The following TLL1 variants were observed in gnomAD, a reference collection of about 807,000 sequenced individuals.
The protein encoded by TLL1 is tolloid like 1, also known as tolloid-like protein 1.
Under a neutral mutation model 128.2 loss-of-function variants are expected in TLL1, and 49 were observed. The observed-to-expected ratio is 0.38, with a 90% CI of 0.30 to 0.48. The LOEUF is 0.48. Among genes scored for constraint, TLL1 ranks in the 20% least tolerant of loss-of-function variants. TLL1 has a pLI of 0.96. For missense variants in TLL1, 1,123 were observed against 1,242.0 expected, an observed-to-expected ratio of 0.90 and a Z score of 1.44; for synonymous variants, 454 against 418.8, an observed-to-expected ratio of 1.08 and a Z score of -1.03.
At chr4:166,011,013 T>A (rs1409838790) in intron 7 of TLL1, among the ~76,000 whole-genome samples, 1 of 151,412 alleles carries the variant, frequency 6.6e-6, no homozygotes, top group Non-Finnish European at 1.5e-5. Context: ...TATAGATCTG[T>A]CTTTATACCA....
At chr4:165,874,940 C>G (rs866387688) in intron 1 of TLL1, 1 of 152,314 alleles carries the variant, frequency 6.6e-6, no homozygotes, top group East Asian at 1.9e-4. Flanking sequence ...GTGAGCGCAG[C>G]GCCTGAGGGC....
chr4:166,089,474 C>A (rs77341772), intron 18 of TLL1, among the ~76,000 whole-genome samples: 7,540 of 152,160 alleles, frequency 0.05, 295 homozygotes, highest in African/African-American at 0.091. Context: ...TATACTTATT[C>A]AGAATCTTCT....
chr4:165,932,653 T>G (rs1733584039), intron 1 of TLL1, among the ~76,000 whole-genome samples: 1 of 152,198 alleles, frequency 6.6e-6, no homozygotes, highest in Non-Finnish European at 1.5e-5. Flanking sequence ...TCTTTTTTTT[T>G]TTAGAGTTTG....
chr4:165,952,527 C>T (rs186917250), intron 1 of TLL1, among the ~76,000 whole-genome samples: 2 of 152,162 alleles, frequency 1.3e-5, no homozygotes, highest in African/African-American at 2.4e-5. Flanking sequence ...ATTGGGACCC[C>T]TCACTTAATA....
rs181871933 is a variant in TLL1 at position 166,078,778 on chromosome 4, C to T, written c.2442+748C>T. 5.4e-3 allele frequency among the ~76,000 whole-genome samples: 818 copies of T among 152,198 alleles called. 3 individuals are homozygous for T. The highest frequency in any genetic ancestry group is 9.7e-3 in the South Asian group (47 of 4,822). On this transcript the variant is annotated intron_variant, in intron 18 of 20. Transcript: ENST00000061240. Reference sequence around the variant, plus strand: ...ATATGTTGTTTTTAGAAGCAGAAGGCAGTGCCAACTAACAAGGCTCAGGAA... The same window carrying T: ...ATATGTTGTTTTTAGAAGCAGAAGGTAGTGCCAACTAACAAGGCTCAGGAA...
chr4:165,948,067 G>A (rs1331900577), intron 1 of TLL1, among the ~76,000 whole-genome samples: 1 of 152,094 alleles, frequency 6.6e-6, no homozygotes, highest in Non-Finnish European at 1.5e-5. Flanking sequence ...TGAGCCTAAA[G>A]GATAGAGCTG....
At chr4:166,008,123 C>T (rs376338407) in intron 7 of TLL1, 75 bp downstream of exon 7, 64 of 1,081,928 alleles carry the variant, frequency 5.9e-5, no homozygotes, top group South Asian at 2.8e-4. Context: ...CTATGCCTGA[C>T]ATTAGAACTA....
chr4:166,044,535 C>A, intron 12 of TLL1: 1 of 1,005,214 alleles, frequency 9.9e-7, no homozygotes, highest in Non-Finnish European at 1.4e-6. Flanking sequence ...ATACTTTCTA[C>A]TTTAATCATT....
intron 1 of TLL1, among the ~76,000 whole-genome samples, chr4:165,988,076 C>G (rs1379264280): frequency 1.3e-5 from 2 of 151,948 alleles, no homozygotes; most frequent in African/African-American, 4.8e-5. Flanking sequence ...TGATTAATTT[C>G]TTATTTCTCG....
At chr4:166,099,795 CTTA>C (rs1742208444) in intron 20 of TLL1, among the ~76,000 whole-genome samples, 1 of 152,074 alleles carries the variant, frequency 6.6e-6, no homozygotes, top group African/African-American at 2.4e-5. Context: ...GTTCTAACTT[CTTA>C]TTATGCAATA....
At chr4:165,935,616 G>C (rs1408448379) in intron 1 of TLL1, among the ~76,000 whole-genome samples, 1 of 152,122 alleles carries the variant, frequency 6.6e-6, no homozygotes, top group Non-Finnish European at 1.5e-5. Context: ...CATGATCACA[G>C]GCCTTTTCCA....
At position 165,967,386 on chromosome 4, in the gene TLL1, G is replaced by A. The variant is rs1031645336; in HGVS notation, c.170-21995G>A. Among the ~76,000 whole-genome samples, 3 of 152,322 alleles carry A rather than the reference G, an allele frequency of 2.0e-5. No homozygotes were observed. The East Asian group carries it at 5.8e-4, about 29-fold the overall frequency. The stretch of plus-strand genomic sequence containing the variant: ...TAAAGACAGGCCTAGGAAATTATAA[G>A]AGCATTGATTGGGGAAGTGACAAAT... On this transcript the variant is annotated intron_variant, in intron 1 of 20. Coordinates refer to ENST00000061240, the MANE Select transcript of TLL1 (RefSeq NM_012464.5).
chr4:166,024,268 A>G (rs924057861), intron 8 of TLL1, among the ~76,000 whole-genome samples: 9 of 152,200 alleles, frequency 5.9e-5, no homozygotes, highest in African/African-American at 1.9e-4. Flanking sequence ...CTTTGTTTTC[A>G]TATTCACTAT....
intron 20 of TLL1, 51 bp downstream of exon 20, chr4:166,099,578 G>A (rs1304972313): frequency 6.5e-7 from 1 of 1,538,776 alleles, no homozygotes; most frequent in African/African-American, 1.4e-5. Flanking sequence ...GATGCCTATT[G>A]ATTCATGATT....
intron 1 of TLL1, among the ~76,000 whole-genome samples, chr4:165,977,994 G>A (rs1735968808): frequency 1.3e-5 from 2 of 152,114 alleles, no homozygotes; most frequent in African/African-American, 4.8e-5. Context: ...ATTTGATAAT[G>A]TGTTTCAATC....
rs142062744 is a variant in TLL1 at position 165,943,557 on chromosome 4, C to A, written c.170-45824C>A. ...ACTGCTTATCTCCTTAAAAATTGGA[C>A]CTTTAAAATACTCATGCCAGGGAAT... On this transcript the variant is annotated intron_variant, in intron 1 of 20. Transcript: ENST00000061240. 4.5e-3 allele frequency among the ~76,000 whole-genome samples: 690 copies of A among 151,962 alleles called. 5 individuals are homozygous for A. The highest frequency in any genetic ancestry group is 0.015 in the African/African-American group (633 of 41,496).
intron 1 of TLL1, among the ~76,000 whole-genome samples, chr4:165,937,495 A>G (rs1005417990): frequency 9.2e-5 from 14 of 152,144 alleles, no homozygotes; most frequent in African/African-American, 2.9e-4. Context: ...TCTATTACCT[A>G]CTACTTTTTA....
At chr4:166,061,446 T>C (rs1288061168) in intron 15 of TLL1, among the ~76,000 whole-genome samples, 2 of 152,020 alleles carry the variant, frequency 1.3e-5, no homozygotes, top group Non-Finnish European at 2.9e-5. Flanking sequence ...GGTTTCACCA[T>C]GTTGGCCAGG....
In TLL1 at chr4:166,101,276, A is replaced by C. The variant is rs1742274662; in HGVS notation, c.*400A>C. 3.6e-6 allele frequency: 1 copy of C among 277,078 alleles called. No individual in the cohort carries two copies. The highest frequency in any genetic ancestry group is 6.9e-6 in the Non-Finnish European group (1 of 144,060). 17.2% of individuals were successfully genotyped at this position (277,078 alleles called of 1,614,324 possible). The stretch of plus-strand genomic sequence containing the variant: ...GATCTTGCAGGTCGTAAACTGGAAA[A>C]CAGTATTTTGGTTGTCTTAGGATAA... On this transcript the variant is annotated 3_prime_UTR_variant, in exon 21 of 21. Transcript: ENST00000061240.
Sources: allele counts gnomAD v4.1 joint callset (sites outside exome capture counted in the v4.1 genomes callset), GRCh38; gene constraint gnomAD v4.1.1; transcripts MANE v1.5; gene names NCBI Gene and HGNC (gene_info 2026-07-23, HGNC 2026-07-21).